NIPBL: variants seen among roughly 807,000 people sequenced by gnomAD.
NIPBL encodes NIPBL cohesin loading factor.
In NIPBL, 19 loss-of-function variants were observed where a neutral mutation model predicts 321.8. The ratio of observed to expected loss-of-function variants is 0.06; its 90% CI spans 0.04 to 0.09. NIPBL has a LOEUF of 0.09. Among genes scored for constraint, NIPBL ranks in the 10% least tolerant of loss-of-function variants. The pLI is 1.00. For missense variants in NIPBL, 2,210 were observed against 3,327.0 expected (o/e 0.66, Z 8.26); for synonymous variants, 1,106 against 1,114.1 (o/e 0.99, Z 0.14).
chr5:37,042,893 A>ATG (rs1554031429), intron 34 of NIPBL, among the ~76,000 whole-genome samples: 5 of 147,674 alleles, frequency 3.4e-5, no homozygotes, highest in African/African-American at 1.0e-4. Context: ...TACTACACAC[A>ATG]CGCGCGCACA....
chr5:37,024,773 T>G, intron 30 of NIPBL, 54 bp downstream of exon 30: 1 of 1,371,808 alleles, frequency 7.3e-7, no homozygotes, highest in Non-Finnish European at 1.0e-6. Flanking sequence ...ATAAGTTAAA[T>G]GTTTATTGCA....
chr5:37,028,698 CATCT>C lies in NIPBL; in HGVS notation c.5862+1295_5862+1298del, dbSNP rs199865760. Among the ~76,000 whole-genome samples the C allele has an allele frequency of 9.8e-3, 1,489 of 152,238 alleles. 23 individuals carry two copies. The highest frequency in any genetic ancestry group is 0.034 in the African/African-American group (1,417 of 41,514). On this transcript the variant is annotated intron_variant, in intron 32 of 46. Transcript: ENST00000282516. The stretch of plus-strand genomic sequence containing the variant: ...ATTATCTCATTCATAAATACTTTAG[CATCT>C]ATCTATCTGTAGCAGATGACTTTTT...
At chr5:36,971,072 T>G in intron 7 of NIPBL, 36 bp downstream of exon 7, 1 of 1,562,678 alleles carries the variant, frequency 6.4e-7, no homozygotes, top group Non-Finnish European at 8.8e-7. Flanking sequence ...GATAAAATAG[T>G]TCTAATATTT....
At chr5:37,024,144 C>A (rs1472929018) in intron 29 of NIPBL, among the ~76,000 whole-genome samples, 2 of 149,248 alleles carry the variant, frequency 1.3e-5, no homozygotes, top group Non-Finnish European at 3.0e-5. Flanking sequence ...CCAGCCTGGG[C>A]GAGAAGAGCA....
In NIPBL at chr5:36,984,843, G is replaced by C; in HGVS notation, c.1663G>C (p.Ala555Pro). 6.2e-7 allele frequency: 1 copy of C among 1,613,808 alleles called. No individual in the cohort carries two copies. The highest frequency in any genetic ancestry group is 8.5e-7 in the Non-Finnish European group (1 of 1,179,876). Residue 555 changes from alanine (A) to proline (P), a missense_variant, in exon 10 of 47, where the codon GCT (alanine) becomes CCT (proline). Transcript: ENST00000282516. ...LHQAGRVDSQ[A>P]SITQDSDSIK... ...TCAGGCAGGAAGAGTGGACTCTCAG[G>C]CTTCTATAACTCAGGATTCAGACTC... is the stretch of plus-strand genomic sequence containing the variant.
intron 6 of NIPBL, among the ~76,000 whole-genome samples, chr5:36,969,964 A>G (rs1305926233): frequency 6.6e-6 from 1 of 152,208 alleles, no homozygotes; most frequent in African/African-American, 2.4e-5. Flanking sequence ...AACAGTCCTT[A>G]TGTACAAGAA....
chr5:36,965,243 A>G (rs1047747303), intron 6 of NIPBL, among the ~76,000 whole-genome samples: 2 of 152,146 alleles, frequency 1.3e-5, no homozygotes, highest in Non-Finnish European at 2.9e-5. Flanking sequence ...TTGCAGTACT[A>G]TTCACAAAAT....
At chr5:37,055,602 T>C (rs1322395631) in intron 42 of NIPBL, among the ~76,000 whole-genome samples, 1 of 151,642 alleles carries the variant, frequency 6.6e-6, no homozygotes, top group Non-Finnish European at 1.5e-5. Flanking sequence ...TGAAGGAAAG[T>C]GTGGGTAATA....
chr5:36,899,120 T>C (rs1747013011), intron 1 of NIPBL, among the ~76,000 whole-genome samples: 1 of 152,190 alleles, frequency 6.6e-6, no homozygotes, highest in Non-Finnish European at 1.5e-5. Flanking sequence ...GATTCTCACT[T>C]TGGGAAATGG....
intron 1 of NIPBL, among the ~76,000 whole-genome samples, chr5:36,891,639 G>A (rs1401989972): frequency 1.7e-4 from 26 of 152,140 alleles, no homozygotes; most frequent in Admixed American, 1.7e-3. Context: ...AGAGGGGCAG[G>A]CTACAGATTA....
chr5:36,885,700 C>A, intron 1 of NIPBL: 2 of 585,348 alleles, frequency 3.4e-6, no homozygotes, highest in South Asian at 1.5e-5. Flanking sequence ...GCTTTAGAGT[C>A]AAGTGTGAGA....
chr5:37,061,918 C>T (rs941723932), intron 45 of NIPBL, among the ~76,000 whole-genome samples: 5 of 151,984 alleles, frequency 3.3e-5, no homozygotes, highest in African/African-American at 9.7e-5. Context: ...CTCGGCTCAC[C>T]GCAACTTCTG....
rs1236432093 is a variant in NIPBL, at chr5:37,065,131, T to C, written c.*239T>C. On this transcript the variant is annotated 3_prime_UTR_variant, in exon 47 of 47. Coordinates refer to ENST00000282516, the MANE Select transcript of NIPBL (RefSeq NM_133433.4). ...CACTGTATTATAGTTTAACAAAAAT[T>C]GTTTATATCTTGGAAAAAAAACTTT... The C allele has an allele frequency of 1.9e-6, 1 of 527,278 alleles. No homozygotes were observed. Among genetic ancestry groups the C allele is most frequent in the Admixed American group, 3.5e-5 (1 of 28,848 alleles). 32.7% of individuals were successfully genotyped at this position (527,278 alleles called of 1,614,324 possible).
At chr5:36,906,048 A>G (rs895231403) in intron 1 of NIPBL, among the ~76,000 whole-genome samples, 2 of 151,848 alleles carry the variant, frequency 1.3e-5, no homozygotes, top group African/African-American at 4.8e-5. Flanking sequence ...CTGACCCTGA[A>G]AAGTATATTA....
intron 43 of NIPBL, among the ~76,000 whole-genome samples, chr5:37,058,020 TCAGA>T (rs1754284220): frequency 6.6e-6 from 1 of 152,184 alleles, no homozygotes; most frequent in African/African-American, 2.4e-5. Context: ...GACTAGTAAA[TCAGA>T]CAGATTATTT....
chr5:36,968,085 G>A (rs1284441853), intron 6 of NIPBL, among the ~76,000 whole-genome samples: 2 of 120,466 alleles, frequency 1.7e-5, no homozygotes, highest in Non-Finnish European at 3.2e-5. Flanking sequence ...AACAGAGTGA[G>A]ACTCTGTCTC....
chr5:36,984,841 A>G lies in NIPBL; in HGVS notation c.1661A>G (p.Gln554Arg), dbSNP rs747837504. The change falls in exon 10 of 47, where the codon CAG (glutamine) becomes CGG (arginine). Residue 554 changes from glutamine to arginine, a missense_variant. Coordinates refer to ENST00000282516, the MANE Select transcript of NIPBL (RefSeq NM_133433.4). ...CATCAGGCAGGAAGAGTGGACTCTC[A>G]GGCTTCTATAACTCAGGATTCAGAC... ...DLHQAGRVDS[Q>R]ASITQDSDSI... The G allele has an allele frequency of 1.4e-5, 22 of 1,613,896 alleles. No homozygotes were observed. The highest frequency in any genetic ancestry group is 1.8e-5 in the Non-Finnish European group (21 of 1,179,860).
chr5:37,026,518 C>G (rs1030816743), intron 31 of NIPBL, among the ~76,000 whole-genome samples, 191 bp downstream of exon 31: 16 of 152,074 alleles, frequency 1.1e-4, no homozygotes, highest in Admixed American at 9.8e-4. Flanking sequence ...TCCATATAGC[C>G]CTACTTCTTG....
chr5:36,877,654 C>T (rs1022476617), intron 1 of NIPBL, among the ~76,000 whole-genome samples: 1 of 152,224 alleles, frequency 6.6e-6, no homozygotes, highest in African/African-American at 2.4e-5. Context: ...AAACAAACAA[C>T]CTCCCTTCTT....
Sources: gnomAD v4.1 joint callset for allele counts (sites outside exome capture counted in the v4.1 genomes callset) on GRCh38, gnomAD v4.1.1 for gene constraint, MANE v1.5 for transcripts, NCBI Gene and HGNC (gene_info 2026-07-23, HGNC 2026-07-21) for gene names.